Variants in CSMD1 observed in about 807,000 individuals in gnomAD.
CSMD1 encodes the protein CUB and Sushi multiple domains 1.
A neutral mutation model predicts 417.5 loss-of-function variants in CSMD1; 213 were observed. The ratio of observed to expected loss-of-function variants is 0.51; its 90% CI spans 0.46 to 0.57. The LOEUF (loss-of-function observed/expected upper bound fraction) is 0.57. Ranked by LOEUF, CSMD1 falls within the 20% of genes least tolerant of loss-of-function variation. The probability of loss-of-function intolerance (pLI) is 0.00; values close to 1 mark genes in which losing one functional copy is unlikely to be tolerated. For synonymous variants in CSMD1, 2,862 were observed against 1,736.8 expected (o/e 1.65, Z -16.11); for missense variants, 6,923 against 4,529.7 (o/e 1.53, Z -15.17).
At position 3,331,532 on chromosome 8, in the gene CSMD1, T is replaced by A. The variant is rs541681111; in HGVS notation, c.3631+11762A>T. On this transcript the variant is annotated intron_variant, in intron 23 of 69. Coordinates refer to ENST00000635120, the MANE Select transcript of CSMD1 (RefSeq NM_033225.6). ...TCACTAATGATAGGACCTTAACTTA[T>A]GGAACCCTCGGTTTCCTGTCTTTAA... 1.1e-4 allele frequency among the ~76,000 whole-genome samples: 16 copies of A among 152,354 alleles called. No homozygotes were observed. In the South Asian group the frequency reaches 3.3e-3, roughly 32 times the overall value.
chr8:3,239,468 A>C (rs577825482), intron 26 of CSMD1, among the ~76,000 whole-genome samples: 1 of 152,314 alleles, frequency 6.6e-6, no homozygotes, highest in East Asian at 1.9e-4. Context: ...GTCTACCTAG[A>C]CCAAGAGGTA....
intron 3 of CSMD1, among the ~76,000 whole-genome samples, chr8:4,209,722 C>T (rs921033872): frequency 1.3e-5 from 2 of 152,182 alleles, no homozygotes; most frequent in African/African-American, 4.8e-5. Flanking sequence ...TTGACTGAAG[C>T]AGCACCAGAT....
chr8:3,307,700 G>A lies in CSMD1; in HGVS notation c.3945C>T (p.Thr1315=), dbSNP rs754871926. ...TWIIEADPGK[T]ISLHFIVFDT... is the part of the protein sequence containing the mutation. ...AACCAAAATAAAACAAGTACCTAAT[G>A]GTCTTTCCTGGGTCTGCCTCTATAA... is the stretch of plus-strand genomic sequence containing the variant. Residue 1315 remains threonine (T), a synonymous_variant, in exon 25 of 70, where the codon ACC becomes ACT. Coordinates refer to ENST00000635120, the MANE Select transcript of CSMD1 (RefSeq NM_033225.6). The A allele has an allele frequency of 1.5e-5, 25 of 1,612,938 alleles. No individual in the cohort carries two copies. The South Asian group carries it at 2.7e-4, about 18-fold the overall frequency.
intron 12 of CSMD1, among the ~76,000 whole-genome samples, chr8:3,411,226 T>A (rs1421329088): frequency 6.6e-6 from 1 of 152,128 alleles, no homozygotes; most frequent in Non-Finnish European, 1.5e-5. Context: ...TTCAGGGTGG[T>A]TTCTCTGGAC....
At chr8:4,134,819 C>G (rs921778758) in intron 3 of CSMD1, among the ~76,000 whole-genome samples, 1 of 152,164 alleles carries the variant, frequency 6.6e-6, no homozygotes, top group Non-Finnish European at 1.5e-5. Context: ...CAAATTTTGT[C>G]CTTGGCCTTG....
At chr8:4,795,663 A>G (rs1797941403) in intron 1 of CSMD1, among the ~76,000 whole-genome samples, 1 of 152,092 alleles carries the variant, frequency 6.6e-6, no homozygotes, top group Admixed American at 6.5e-5. Context: ...AATGAGTACA[A>G]TATGGAAAAT....
intron 5 of CSMD1, among the ~76,000 whole-genome samples, chr8:3,785,504 C>T (rs537860713): frequency 5.9e-5 from 9 of 152,300 alleles, no homozygotes; most frequent in African/African-American, 9.6e-5. Context: ...AATACATTAA[C>T]GGCAGTCAAA....
chr8:3,276,341 C>T (rs886860078), intron 26 of CSMD1, among the ~76,000 whole-genome samples: 4 of 152,148 alleles, frequency 2.6e-5, no homozygotes, highest in Admixed American at 6.5e-5. Context: ...GATGGAAATG[C>T]AGAAATCACC....
chr8:3,367,164 G>A lies in CSMD1; in HGVS notation c.2983C>T (p.Pro995Ser), dbSNP rs1809637644. ...ACCGACCCGGTGAGCCTGGCAACGG[G>A]CTCGGAAAAACTTCCATCCTCTGTG... Reference protein sequence around the residue: ...LITEDGSFSEPVARLTGSVLP... With the variant: ...LITEDGSFSESVARLTGSVLP... Residue 995 changes from proline (P) to serine (S), a missense_variant, in exon 20 of 70, where the codon CCC becomes TCC. Transcript: ENST00000635120. The A allele has an allele frequency of 1.9e-6, 3 of 1,613,648 alleles. No individual in the cohort carries two copies. The highest frequency in any genetic ancestry group is 2.2e-5 in the East Asian group (1 of 44,830).
chr8:3,044,593 T>C (rs1192331934), intron 50 of CSMD1, among the ~76,000 whole-genome samples: 2 of 152,006 alleles, frequency 1.3e-5, no homozygotes, highest in African/African-American at 4.8e-5. Context: ...ATGAATCGTG[T>C]CTTCGATGAT....
At chr8:4,261,715 C>G (rs537057148) in intron 3 of CSMD1, among the ~76,000 whole-genome samples, 6 of 152,006 alleles carry the variant, frequency 3.9e-5, no homozygotes, top group Non-Finnish European at 7.4e-5. Flanking sequence ...TGGCTGAGAG[C>G]AGATCTTAAA....
At chr8:3,206,778 A>C (rs895505026) in intron 30 of CSMD1, among the ~76,000 whole-genome samples, 3 of 152,068 alleles carry the variant, frequency 2.0e-5, no homozygotes, top group African/African-American at 4.8e-5. Flanking sequence ...ACTTTTGCTG[A>C]GAAAATGAAA....
intron 7 of CSMD1, among the ~76,000 whole-genome samples, chr8:3,707,915 G>C (rs954067216): frequency 2.6e-5 from 4 of 152,126 alleles, no homozygotes; most frequent in African/African-American, 9.7e-5. Context: ...TCCTGGGCAC[G>C]TGCAAAAGTC....
chr8:3,654,957 T>C (rs1798030695), intron 7 of CSMD1, among the ~76,000 whole-genome samples: 1 of 152,162 alleles, frequency 6.6e-6, no homozygotes, highest in African/African-American at 2.4e-5. Context: ...TTTTGGAGCC[T>C]GATGCATCTC....
At chr8:4,254,466 G>C (rs924440710) in intron 3 of CSMD1, among the ~76,000 whole-genome samples, 1 of 152,096 alleles carries the variant, frequency 6.6e-6, no homozygotes, top group Non-Finnish European at 1.5e-5. Flanking sequence ...CGACATTGCA[G>C]CTGTCATAAT....
intron 3 of CSMD1, among the ~76,000 whole-genome samples, chr8:4,104,889 C>G (rs749650221): frequency 4.6e-5 from 7 of 152,064 alleles, no homozygotes; most frequent in Non-Finnish European, 4.4e-5. Flanking sequence ...TCTTTTGTAT[C>G]CATTAAGATC....
At chr8:4,484,189 T>A (rs1332376639) in intron 2 of CSMD1, among the ~76,000 whole-genome samples, 4 of 151,022 alleles carry the variant, frequency 2.6e-5, no homozygotes. Flanking sequence ...GGACTGCAGC[T>A]TGGATGACAC....
intron 26 of CSMD1, among the ~76,000 whole-genome samples, chr8:3,266,249 T>G (rs1801420442): frequency 1.3e-5 from 2 of 150,764 alleles, no homozygotes; most frequent in Non-Finnish European, 3.0e-5. Flanking sequence ...CATGAAAACC[T>G]AGACGAAAGA....
chr8:3,305,021 A>G (rs994657124), intron 25 of CSMD1, among the ~76,000 whole-genome samples: 2 of 152,206 alleles, frequency 1.3e-5, no homozygotes, highest in African/African-American at 4.8e-5. Flanking sequence ...TTGTGAATTC[A>G]AAGTTAAGGA....
Sources: allele counts gnomAD v4.1 joint callset (sites outside exome capture counted in the v4.1 genomes callset), GRCh38; gene constraint gnomAD v4.1.1; transcripts MANE v1.5; gene names NCBI Gene and HGNC (gene_info 2026-07-23, HGNC 2026-07-21).